Variants in RAF1 observed in about 807,000 individuals in gnomAD.
RAF1 encodes RAF proto-oncogene serine/threonine-protein kinase.
A neutral mutation model predicts 81.1 loss-of-function variants in RAF1; 27 were observed. That is an observed-to-expected ratio of 0.33 (90% CI 0.25 to 0.46). RAF1 has a LOEUF of 0.46. Among genes scored for constraint, RAF1 ranks in the 20% least tolerant of loss-of-function variants. The pLI is 1.00. For synonymous variants in RAF1, 298 were observed against 294.0 expected (o/e 1.01, Z -0.14); for missense variants, 598 against 826.0 (o/e 0.72, Z 3.38).
In RAF1 at chr3:12,658,949, C is replaced by T. The variant is rs1250527791; in HGVS notation, c.-27+4864G>A. Among the ~76,000 whole-genome samples, 10 of 152,234 alleles carry T rather than the reference C, an allele frequency of 6.6e-5. No homozygotes were observed. In the East Asian group the frequency reaches 1.9e-3, roughly 29 times the overall value. On this transcript the variant is annotated intron_variant, in intron 1 of 17. Coordinates refer to ENST00000442415, the MANE Select transcript of RAF1 (RefSeq NM_001354689.3). ...TTAGTTAAGCTGAGATTCTAGGGGT[C>T]ATTTTAGAAGAAAGGCAAACAGATG...
Position 12,584,317 on chromosome 3 carries a change from A to C in RAF1, c.*197T>G. 1 of 656,154 alleles carries C rather than the reference A, an allele frequency of 1.5e-6. No individual in the cohort carries two copies. Among genetic ancestry groups the C allele is most frequent in the Non-Finnish European group, 2.6e-6 (1 of 379,886 alleles). 40.6% of individuals were successfully genotyped at this position (656,154 alleles called of 1,614,324 possible). A position where few individuals can be genotyped will look rare whatever the true frequency, so the allele number is the denominator to read the frequency against. On this transcript the variant is annotated 3_prime_UTR_variant, in exon 18 of 18. Transcript: ENST00000442415. Reference sequence around the variant, plus strand: ...GGAGCAGGACACACCAGCACTGCAAATGGCTTCCTTCTCCCAGGGCCCAAA... The same window carrying C: ...GGAGCAGGACACACCAGCACTGCAACTGGCTTCCTTCTCCCAGGGCCCAAA...
At chr3:12,651,343 C>T (rs190132415) in intron 1 of RAF1, among the ~76,000 whole-genome samples, 59 of 152,164 alleles carry the variant, frequency 3.9e-4, no homozygotes, top group Admixed American at 1.2e-3. Flanking sequence ...TTTTAAGATA[C>T]ACAAATTGGG....
intron 7 of RAF1, among the ~76,000 whole-genome samples, chr3:12,603,786 G>C (rs937633822): frequency 6.6e-6 from 1 of 152,166 alleles, no homozygotes. Flanking sequence ...GTCTTCCAGA[G>C]AATCTGTAGT....
intron 2 of RAF1, among the ~76,000 whole-genome samples, chr3:12,616,454 C>A (rs1284635730): frequency 1.3e-5 from 2 of 152,164 alleles, no homozygotes; most frequent in African/African-American, 4.8e-5. Context: ...AAATGGAAGA[C>A]CATTGTTCAG....
chr3:12,652,011 AAAATAAATAAATAAATAAATAAAT>A (rs58806427), intron 1 of RAF1, among the ~76,000 whole-genome samples: 21 of 136,648 alleles, frequency 1.5e-4, no homozygotes, highest in Non-Finnish European at 3.1e-4. Context: ...CTCCATCTCT[AAAATAAATAAATAAATAAATAAAT>A]AAATAAATAA....
At chr3:12,653,416 T>C (rs921632567) in intron 1 of RAF1, among the ~76,000 whole-genome samples, 1 of 152,200 alleles carries the variant, frequency 6.6e-6, no homozygotes, top group Non-Finnish European at 1.5e-5. Flanking sequence ...CTCTGAGCAG[T>C]TGGTCTCTCC....
Position 12,612,281 on chromosome 3 carries a change from AC to A in RAF1, c.208-220del, listed in dbSNP as rs1297349129. 3.9e-5 allele frequency among the ~76,000 whole-genome samples: 6 copies of A among 152,334 alleles called. No homozygotes were observed. In the East Asian group the frequency reaches 1.2e-3, roughly 29 times the overall value. On this transcript the variant is annotated intron_variant, in intron 2 of 17. Coordinates refer to ENST00000442415, the MANE Select transcript of RAF1 (RefSeq NM_001354689.3). Reference sequence around the variant, plus strand: ...TGCAGCTATTATATTACTTATAATGACCTGGATGGAGAGGAGTCCATGATAT... The same window carrying A: ...TGCAGCTATTATATTACTTATAATGACTGGATGGAGAGGAGTCCATGATAT...
rs779001930 is a variant in RAF1, at chr3:12,618,691, T to A, written c.31A>T (p.Ile11Phe). 5.0e-6 allele frequency: 8 copies of A among 1,614,076 alleles called. No homozygotes were observed. Among genetic ancestry groups the A allele is most frequent in the African/African-American group, 1.3e-5 (1 of 74,924 alleles). ...TCTTTGAATCCAAAACCATTGCTGA[T>A]CGTCTTCCAAGCTCCCTGTATGTGC... is the stretch of plus-strand genomic sequence containing the variant. Residue 11 changes from isoleucine (I) to phenylalanine (F), a missense_variant, in exon 2 of 18, where the codon ATC becomes TTC. By Grantham distance (21) the Ile-to-Phe change is conservative. This residue lies in a region of RAF1 where 83 missense variants were observed against 72.3 expected (regional missense o/e 1.15). Transcript: ENST00000442415.
intron 1 of RAF1, among the ~76,000 whole-genome samples, chr3:12,655,353 T>A (rs1345829172): frequency 6.6e-6 from 1 of 152,218 alleles, no homozygotes; most frequent in Non-Finnish European, 1.5e-5. Flanking sequence ...CCCAAAGTGC[T>A]GGGATTACAG....
In RAF1 at chr3:12,585,243, A is replaced by C. The variant is rs2125323044; in HGVS notation, c.1607T>G (p.Val536Gly). 6.2e-7 allele frequency: 1 copy of C among 1,614,050 alleles called. No homozygotes were observed. The highest frequency in any genetic ancestry group is 8.5e-7 in the Non-Finnish European group (1 of 1,180,000). Residue 536 changes from valine (V) to glycine (G), a missense_variant, in exon 16 of 18, where the codon GTG (valine) becomes GGG (glycine). This residue lies in a region of RAF1 where 147 missense variants were observed against 196.1 expected (regional missense o/e 0.75). Coordinates refer to ENST00000442415, the MANE Select transcript of RAF1 (RefSeq NM_001354689.3). ...TGGGTTGTTATCCTGCATTCGGATC[A>C]CCTCTGGGGCCTACATGTATCACCA...
chr3:12,654,293 T>C (rs1335711204), intron 1 of RAF1, among the ~76,000 whole-genome samples: 1 of 150,782 alleles, frequency 6.6e-6, no homozygotes, highest in Non-Finnish European at 1.5e-5. Context: ...TGGCCCTAAA[T>C]ACATTATAGA....
chr3:12,613,175 G>A (rs909920537), intron 2 of RAF1, among the ~76,000 whole-genome samples: 2 of 152,096 alleles, frequency 1.3e-5, no homozygotes, highest in Non-Finnish European at 2.9e-5. Context: ...GAGTGCCCAG[G>A]ATACTCACAA....
At chr3:12,619,114 G>A (rs1031587163) in intron 1 of RAF1, among the ~76,000 whole-genome samples, 3 of 152,112 alleles carry the variant, frequency 2.0e-5, no homozygotes, top group South Asian at 2.1e-4. Flanking sequence ...GCGTGGTGGC[G>A]GGCGCCTGTA....
intron 1 of RAF1, among the ~76,000 whole-genome samples, chr3:12,652,952 A>G (rs9819832): frequency 0.01 from 1,557 of 151,194 alleles, 22 homozygotes; most frequent in African/African-American, 0.036. Context: ...AAAAAAAAAA[A>G]TTTTTTTAAT....
Position 12,663,841 on chromosome 3 carries a change from T to C in RAF1, c.-55A>G. 2.5e-6 allele frequency: 1 copy of C among 397,824 alleles called. No individual in the cohort carries two copies. Among genetic ancestry groups the C allele is most frequent in the Non-Finnish European group, 4.4e-6 (1 of 225,544 alleles). 24.6% of individuals were successfully genotyped at this position (397,824 alleles called of 1,614,324 possible). A position where few individuals can be genotyped will look rare whatever the true frequency, so the allele number is the denominator to read the frequency against. On this transcript the variant is annotated 5_prime_UTR_variant, in exon 1 of 18. Transcript: ENST00000442415. ...AGGGAGCCAGGCCGCCCCAACGTCC[T>C]GTCGTTCGGCGGCAGCTTCTCGCCC...
At position 12,599,917 on chromosome 3, in the gene RAF1, A is replaced by G. The variant is rs2058804921; in HGVS notation, c.1051-109T>C. The G allele has an allele frequency of 3.3e-5, 40 of 1,204,224 alleles. 2 individuals are homozygous for G. In the South Asian group the frequency reaches 4.9e-4, roughly 15 times the overall value. The allele number at this position is 1,204,224 out of a possible 1,614,324, so 74.6% of individuals were successfully genotyped here. ...TCATCTGTTTCCATATCTTTTAAAG[A>G]TAAACATATTAACCATACTTCCAAT... is the stretch of plus-strand genomic sequence containing the variant. On this transcript the variant is annotated intron_variant, in intron 10 of 17. Coordinates refer to ENST00000442415, the MANE Select transcript of RAF1 (RefSeq NM_001354689.3).
At chr3:12,619,984 AGGCAGGGGAAT>A (rs2059505358) in intron 1 of RAF1, among the ~76,000 whole-genome samples, 1 of 151,972 alleles carries the variant, frequency 6.6e-6, no homozygotes, top group East Asian at 2.0e-4. Flanking sequence ...CAGGAGGCTG[AGGCAGGGGAAT>A]GGCGTGAACC....
At chr3:12,624,972 A>T (rs2059661459) in intron 1 of RAF1, among the ~76,000 whole-genome samples, 1 of 152,144 alleles carries the variant, frequency 6.6e-6, no homozygotes, top group Non-Finnish European at 1.5e-5. Flanking sequence ...AAAAACAGGA[A>T]ATTAAATTCA....
chr3:12,657,410 T>C (rs1468519449), intron 1 of RAF1, among the ~76,000 whole-genome samples: 1 of 152,172 alleles, frequency 6.6e-6, no homozygotes, highest in Non-Finnish European at 1.5e-5. Context: ...ACTTTCTATA[T>C]CCTTTAAATT....
Sources: allele counts gnomAD v4.1 joint callset (sites outside exome capture counted in the v4.1 genomes callset), GRCh38; gene constraint gnomAD v4.1.1; regional missense constraint gnomAD v4.1.1; transcripts MANE v1.5; gene names NCBI Gene and HGNC (gene_info 2026-07-23, HGNC 2026-07-21).